BPTF: variants seen among roughly 807,000 people sequenced by gnomAD.
BPTF encodes the protein nucleosome-remodeling factor subunit BPTF.
In BPTF, 18 loss-of-function variants were observed where a neutral mutation model predicts 292.5. The ratio of observed to expected loss-of-function variants is 0.06; its 90% CI spans 0.04 to 0.09. BPTF has a LOEUF of 0.09. BPTF is among the 10% of genes least tolerant of loss of function. The probability of loss-of-function intolerance (pLI) is 1.00; values close to 1 mark genes in which losing one functional copy is unlikely to be tolerated. For missense variants in BPTF, 2,726 were observed against 3,498.7 expected, an observed-to-expected ratio of 0.78 and a Z score of 5.57; for synonymous variants, 1,225 against 1,251.9, an observed-to-expected ratio of 0.98 and a Z score of 0.45.
At chr17:67,894,742 G>A (rs2061334974) in intron 7 of BPTF, among the ~76,000 whole-genome samples, 1 of 152,112 alleles carries the variant, frequency 6.6e-6, no homozygotes, top group Non-Finnish European at 1.5e-5. Context: ...ACTAGAAAGA[G>A]CACTCACATT....
chr17:67,831,651 G>T (rs895394202), intron 1 of BPTF, among the ~76,000 whole-genome samples: 1 of 152,062 alleles, frequency 6.6e-6, no homozygotes, highest in African/African-American at 2.4e-5. Flanking sequence ...GACCCTTAAT[G>T]GTGGAGACAT....
chr17:67,898,451 G>T (rs982676513), intron 7 of BPTF, among the ~76,000 whole-genome samples: 28 of 151,896 alleles, frequency 1.8e-4, no homozygotes, highest in Admixed American at 5.9e-4. Flanking sequence ...AATTTATTGG[G>T]TTTTTTTATT....
In BPTF at chr17:67,950,063, A is replaced by AC. The variant is rs1490258891; in HGVS notation, c.7926+1757_7926+1758insC. Among the ~76,000 whole-genome samples, 6 of 150,724 alleles carry AC rather than the reference A, an allele frequency of 4.0e-5. No individual in the cohort carries two copies. In the East Asian group the frequency reaches 7.8e-4, roughly 20 times the overall value. On this transcript the variant is annotated intron_variant, in intron 23 of 27. Coordinates refer to ENST00000306378, the MANE Select transcript of BPTF (RefSeq NM_182641.4). ...AATGAGACTGTCTCAAAAAAAAAAAAAAAAAAAAACATTTCATAACATATC... is the reference window on the plus strand; with the variant it reads ...AATGAGACTGTCTCAAAAAAAAAAAACAAAAAAAAACATTTCATAACATATC...
chr17:67,838,026 T>G (rs1255913454), intron 1 of BPTF, among the ~76,000 whole-genome samples: 3 of 152,214 alleles, frequency 2.0e-5, no homozygotes, highest in Admixed American at 6.5e-5. Flanking sequence ...CAGTATAGGA[T>G]GGACTAGATG....
At chr17:67,853,345 TCTC>T (rs1261163319) in intron 1 of BPTF, among the ~76,000 whole-genome samples, 1 of 152,198 alleles carries the variant, frequency 6.6e-6, no homozygotes, top group Non-Finnish European at 1.5e-5. Flanking sequence ...TCTTCTCTTT[TCTC>T]CTCCTCTGCA....
rs1555674741 is a variant in BPTF at position 67,945,847 on chromosome 17, A to G, written c.7139A>G (p.His2380Arg). The G allele has an allele frequency of 1.2e-6, 2 of 1,614,120 alleles. No individual in the cohort carries two copies. Among genetic ancestry groups the G allele is most frequent in the East Asian group, 2.2e-5 (1 of 44,886 alleles). ...TCACAACCGATTCCAATTCAACCAC[A>G]TACATCTCTTCAGATACCTTCCCAA... ...TTSQPIPIQPHTSLQIPSQGQ... is the reference protein window; with the variant it reads ...TTSQPIPIQPRTSLQIPSQGQ... Residue 2380 changes from histidine (H) to arginine (R), a missense_variant, in exon 21 of 28, where the codon CAT becomes CGT. Around this residue, in one of 22 missense-constraint regions of BPTF, gnomAD observed 570 missense variants for 633.5 expected, o/e 0.90. Transcript: ENST00000306378.
Position 67,895,310 on chromosome 17 carries a change from G to A in BPTF, c.2543+1145G>A, listed in dbSNP as rs561503794. Among the ~76,000 whole-genome samples, 4 of 135,448 alleles carry A rather than the reference G, an allele frequency of 3.0e-5. No homozygotes were observed. The South Asian group carries it at 9.3e-4, about 31-fold the overall frequency. 88.9% of individuals were successfully genotyped at this position (135,448 alleles called of 152,430 possible). A position where few individuals can be genotyped will look rare whatever the true frequency, so the allele number is the denominator to read the frequency against. Reference sequence around the variant, plus strand: ...ATTGCACCACTGCACTCCAGCCTGGGTGACAGAGCAAGACTTCATCTCAAA... The same window carrying A: ...ATTGCACCACTGCACTCCAGCCTGGATGACAGAGCAAGACTTCATCTCAAA... On this transcript the variant is annotated intron_variant, in intron 7 of 27. Coordinates refer to ENST00000306378, the MANE Select transcript of BPTF (RefSeq NM_182641.4).
At chr17:67,972,592 T>C (rs373244486) in intron 26 of BPTF, among the ~76,000 whole-genome samples, 9 of 152,238 alleles carry the variant, frequency 5.9e-5, no homozygotes, top group Admixed American at 2.0e-4. Context: ...TTCATAGATT[T>C]TTTGGCATAT....
Position 67,894,181 on chromosome 17 carries a change from G to A in BPTF, c.2543+16G>A, listed in dbSNP as rs1476821815. The A allele has an allele frequency of 5.6e-6, 9 of 1,612,790 alleles. No individual in the cohort carries two copies. The highest frequency in any genetic ancestry group is 3.3e-4 in the Middle Eastern group (2 of 6,058). ...GACATACCAGGTAAATGAATTCTGA[G>A]CCTTGTAAATGATGAGTATTGGACT... On this transcript the variant is annotated intron_variant, in intron 7 of 27. Transcript: ENST00000306378.
intron 3 of BPTF, among the ~76,000 whole-genome samples, chr17:67,869,299 A>G (rs573603736): frequency 5.9e-4 from 90 of 151,330 alleles, no homozygotes; most frequent in African/African-American, 2.2e-3. Flanking sequence ...ACAAAAAAAT[A>G]TTTTCTGTGT....
At position 67,826,257 on chromosome 17, in the gene BPTF, A is replaced by T. The variant is rs756300830; in HGVS notation, c.533A>T (p.Glu178Val). 6 of 1,613,518 alleles carry T rather than the reference A, an allele frequency of 3.7e-6. No individual in the cohort carries two copies. Among genetic ancestry groups the T allele is most frequent in the Non-Finnish European group, 5.1e-6 (6 of 1,179,782 alleles). ...EDDDDSDYPE[E>V]MEDDDDDASY... ...GACGATGACTCCGATTATCCGGAGG[A>T]GATGGAAGACGACGACGACGACGCC... Residue 178 changes from glutamate to valine, a missense_variant, in exon 1 of 28, where the codon GAG (glutamate) becomes GTG (valine). By Grantham distance (121) the Glu-to-Val change is moderately radical (BLOSUM62 -2). Transcript: ENST00000306378.
At chr17:67,839,970 A>T (rs2057421086) in intron 1 of BPTF, among the ~76,000 whole-genome samples, 1 of 151,990 alleles carries the variant, frequency 6.6e-6, no homozygotes, top group Admixed American at 6.6e-5. Flanking sequence ...TTTAAAAGAC[A>T]CCTTAATAAG....
intron 26 of BPTF, among the ~76,000 whole-genome samples, chr17:67,972,497 G>A (rs2148543837): frequency 6.6e-6 from 1 of 152,224 alleles, no homozygotes; most frequent in East Asian, 1.9e-4. Flanking sequence ...GTCCGCCTCT[G>A]CCTTCCAAAG....
Position 67,976,693 on chromosome 17 carries a change from A to AT in BPTF, c.8726+735_8726+736insT, listed in dbSNP as rs2069483283. Among the ~76,000 whole-genome samples, 13 of 47,468 alleles carry AT rather than the reference A, an allele frequency of 2.7e-4. 1 individual carries two copies. The highest frequency in any genetic ancestry group is 2.6e-3 in the Admixed American group (8 of 3,060). The allele number at this position is 47,468 out of a possible 152,430, so 31.1% of individuals were successfully genotyped here. ...AGAGTGAGACCCTGTCTCAAAAAAA[A>AT]AAAAAAAAAAAAAAAAAAAAAATAA... On this transcript the variant is annotated intron_variant, in intron 27 of 27. Coordinates refer to ENST00000306378, the MANE Select transcript of BPTF (RefSeq NM_182641.4).
chr17:67,971,197 G>C (rs1792893649), intron 26 of BPTF, among the ~76,000 whole-genome samples: 1 of 152,166 alleles, frequency 6.6e-6, no homozygotes, highest in Admixed American at 6.6e-5. Context: ...TCCTGCCTCA[G>C]CCTTCTGAGT....
chr17:67,867,655 A>C (rs564227042), intron 3 of BPTF, among the ~76,000 whole-genome samples: 85 of 152,204 alleles, frequency 5.6e-4, no homozygotes, highest in African/African-American at 2.0e-3. Flanking sequence ...TGGCCTTGAC[A>C]GTTGGGAGGA....
intron 1 of BPTF, among the ~76,000 whole-genome samples, chr17:67,847,424 G>T (rs962586143): frequency 5.3e-5 from 8 of 152,130 alleles, no homozygotes; most frequent in Admixed American, 2.6e-4. Context: ...TGAGGCAGAA[G>T]AATAGCGTGA....
At chr17:67,924,987 G>A (rs2063751524) in intron 15 of BPTF, among the ~76,000 whole-genome samples, 1 of 150,464 alleles carries the variant, frequency 6.6e-6, no homozygotes, top group South Asian at 2.1e-4. Flanking sequence ...GGACTCAAGC[G>A]ATCCACCTGC....
rs1383278136 is a variant in BPTF, at chr17:67,866,672, C to T, written c.1645C>T (p.Leu549=). The T allele has an allele frequency of 2.5e-6, 4 of 1,612,948 alleles. No homozygotes were observed. In the Admixed American group the frequency reaches 6.7e-5, roughly 27 times the overall value. ...NKARGSNKSF[L]AAANEEILES... ...GGCTCGGGGCAGTAACAAATCCTTT[C>T]TGGCGGCAGCTAATGGTGAGAGGGG... is the stretch of plus-strand genomic sequence containing the variant. The change falls in exon 3 of 28, where the codon CTG becomes TTG. Residue 549 remains leucine, a synonymous_variant. Coordinates refer to ENST00000306378, the MANE Select transcript of BPTF (RefSeq NM_182641.4).
Sources: gnomAD v4.1 joint callset for allele counts (sites outside exome capture counted in the v4.1 genomes callset) on GRCh38, gnomAD v4.1.1 for gene constraint, gnomAD v4.1.1 regional missense constraint, MANE v1.5 for transcripts, NCBI Gene and HGNC (gene_info 2026-07-23, HGNC 2026-07-21) for gene names.